The following THSD7B variants were observed in gnomAD, a reference collection of about 807,000 sequenced individuals.
The protein encoded by THSD7B is thrombospondin type 1 domain containing 7B.
Under a neutral mutation model 213.6 loss-of-function variants are expected in THSD7B, and 138 were observed. The observed-to-expected ratio is 0.65, with a 90% CI of 0.56 to 0.74. The LOEUF (loss-of-function observed/expected upper bound fraction) is 0.74, where lower values mean the gene tolerates loss of function less well. Among genes scored for constraint, THSD7B ranks in the 30% least tolerant of loss-of-function variants. THSD7B has a pLI of 0.00. For synonymous variants in THSD7B, 742 were observed against 687.0 expected, an observed-to-expected ratio of 1.08 and a Z score of -1.25; for missense variants, 1,931 against 1,991.5, an observed-to-expected ratio of 0.97 and a Z score of 0.58.
At chr2:137,598,825 C>T (rs1682016326) in intron 17 of THSD7B, among the ~76,000 whole-genome samples, 2 of 151,258 alleles carry the variant, frequency 1.3e-5, no homozygotes, top group Non-Finnish European at 3.0e-5. Flanking sequence ...AGAGATTTTT[C>T]TCTTGTTTTC....
chr2:137,461,612 C>A (rs1251090335), intron 15 of THSD7B, among the ~76,000 whole-genome samples: 1 of 152,088 alleles, frequency 6.6e-6, no homozygotes, highest in Non-Finnish European at 1.5e-5. Flanking sequence ...TCAATCTATT[C>A]TTCGTACAGA....
intron 12 of THSD7B, among the ~76,000 whole-genome samples, chr2:137,320,733 T>G (rs2104878554): frequency 6.6e-6 from 1 of 152,334 alleles, no homozygotes; most frequent in East Asian, 1.9e-4. Flanking sequence ...TGTGTTCAAA[T>G]TAGAGAAAAA....
chr2:137,342,011 T>C (rs931527700), intron 12 of THSD7B, among the ~76,000 whole-genome samples: 9 of 151,694 alleles, frequency 5.9e-5, no homozygotes, highest in African/African-American at 2.2e-4. Flanking sequence ...TTAGGGTTTT[T>C]TTCTATGCCT....
At chr2:137,662,226 C>G (rs1683362113) in intron 25 of THSD7B, among the ~76,000 whole-genome samples, 1 of 133,480 alleles carries the variant, frequency 7.5e-6, no homozygotes, top group Non-Finnish European at 1.6e-5. Flanking sequence ...CGACGCCCGG[C>G]TAATTTTTTT....
intron 12 of THSD7B, among the ~76,000 whole-genome samples, chr2:137,304,931 T>G (rs943445321): frequency 2.6e-5 from 4 of 152,146 alleles, no homozygotes; most frequent in Non-Finnish European, 4.4e-5. Flanking sequence ...ATGTTGTCTG[T>G]TTAATGGTGA....
intron 7 of THSD7B, among the ~76,000 whole-genome samples, chr2:137,185,870 A>G (rs1319486273): frequency 6.6e-6 from 1 of 152,120 alleles, no homozygotes; most frequent in Non-Finnish European, 1.5e-5. Flanking sequence ...GTGTATAAGC[A>G]TTCCCTTTTC....
At chr2:136,997,556 C>T (rs893526673) in intron 2 of THSD7B, among the ~76,000 whole-genome samples, 6 of 152,092 alleles carry the variant, frequency 3.9e-5, no homozygotes, top group East Asian at 1.9e-4. Flanking sequence ...AAGTGGAAAG[C>T]GGGGCATAAG....
intron 15 of THSD7B, among the ~76,000 whole-genome samples, chr2:137,508,558 TTTG>T (rs1275663626): frequency 2.0e-5 from 3 of 150,730 alleles, no homozygotes; most frequent in African/African-American, 7.3e-5. Flanking sequence ...TTTTTTTTTT[TTTG>T]TATTTTTTTA....
At position 137,676,727 on chromosome 2, in the gene THSD7B, T is replaced by C. The variant is rs1683710994; in HGVS notation, c.*122T>C. 1.3e-6 allele frequency: 1 copy of C among 793,496 alleles called. No homozygotes were observed. Among genetic ancestry groups the C allele is most frequent in the Non-Finnish European group, 1.8e-6 (1 of 548,282 alleles). The allele number at this position is 793,496 out of a possible 1,614,324, so 49.2% of individuals were successfully genotyped here. On this transcript the variant is annotated 3_prime_UTR_variant, in exon 28 of 28. Coordinates refer to ENST00000409968, the MANE Select transcript of THSD7B (RefSeq NM_001316349.2). ...TGATATATTGGGCAGAATACAAATA[T>C]TGCAAAAGTAATATTGCCTCAACTT...
intron 14 of THSD7B, among the ~76,000 whole-genome samples, chr2:137,440,449 A>G (rs902605172): frequency 6.7e-6 from 1 of 149,380 alleles, no homozygotes; most frequent in Non-Finnish European, 1.5e-5. Context: ...CAATAACCAT[A>G]GCCTCACCTT....
chr2:137,023,336 C>G (rs986819658), intron 2 of THSD7B, among the ~76,000 whole-genome samples: 1 of 152,038 alleles, frequency 6.6e-6, no homozygotes, highest in African/African-American at 2.4e-5. Context: ...CACCAGACAC[C>G]GGGGGAGGTG....
At chr2:137,036,475 G>T (rs1394646192) in intron 2 of THSD7B, among the ~76,000 whole-genome samples, 1 of 152,074 alleles carries the variant, frequency 6.6e-6, no homozygotes, top group Non-Finnish European at 1.5e-5. Context: ...TTCTAATGTT[G>T]TCAAAGACTG....
intron 1 of THSD7B, among the ~76,000 whole-genome samples, chr2:136,815,365 C>T (rs987935037): frequency 2.0e-5 from 3 of 152,120 alleles, no homozygotes; most frequent in African/African-American, 7.2e-5. Flanking sequence ...TTCCATGGTT[C>T]TTGGTGCTAT....
chr2:136,985,477 C>A (rs908924140), intron 2 of THSD7B, among the ~76,000 whole-genome samples: 5 of 152,172 alleles, frequency 3.3e-5, no homozygotes, highest in African/African-American at 1.2e-4. Flanking sequence ...CCACTGTAAG[C>A]CTTGGTGGCT....
chr2:137,285,131 A>G (rs865997510), intron 12 of THSD7B, among the ~76,000 whole-genome samples: 15 of 152,116 alleles, frequency 9.9e-5, no homozygotes, highest in African/African-American at 3.4e-4. Flanking sequence ...TTCTTGTTGA[A>G]TTGATCCCTT....
intron 27 of THSD7B, among the ~76,000 whole-genome samples, chr2:137,668,355 G>T (rs1413383557): frequency 1.3e-5 from 2 of 151,142 alleles, no homozygotes; most frequent in African/African-American, 4.9e-5. Flanking sequence ...CCAGTTGGTT[G>T]AAAGAACCTG....
intron 15 of THSD7B, among the ~76,000 whole-genome samples, chr2:137,462,084 A>G (rs1347020631): frequency 6.6e-6 from 1 of 152,130 alleles, no homozygotes; most frequent in African/African-American, 2.4e-5. Flanking sequence ...GAAAAATTCC[A>G]GAAATAAACA....
chr2:137,217,880 A>G (rs547386869), intron 7 of THSD7B, among the ~76,000 whole-genome samples: 1 of 152,174 alleles, frequency 6.6e-6, no homozygotes, highest in Non-Finnish European at 1.5e-5. Flanking sequence ...GACATTATGC[A>G]ACCCTGAATT....
At chr2:137,202,291 G>A (rs1344294528) in intron 7 of THSD7B, among the ~76,000 whole-genome samples, 2 of 152,066 alleles carry the variant, frequency 1.3e-5, no homozygotes, top group African/African-American at 4.8e-5. Context: ...AAAAATTTGG[G>A]AAAAGGGTGT....
Sources: allele counts gnomAD v4.1 joint callset (sites outside exome capture counted in the v4.1 genomes callset), GRCh38; gene constraint gnomAD v4.1.1; transcripts MANE v1.5; gene names NCBI Gene and HGNC (gene_info 2026-07-23, HGNC 2026-07-21).